The following GPHN variants were observed in gnomAD, a reference collection of about 807,000 sequenced individuals.
GPHN encodes the protein gephyrin.
Under a neutral mutation model 95.5 loss-of-function variants are expected in GPHN, and 17 were observed. The observed-to-expected ratio is 0.18, with a 90% CI of 0.12 to 0.27. GPHN has a LOEUF of 0.27. Ranked by LOEUF, GPHN falls within the 10% of genes least tolerant of loss-of-function variation. The pLI, the probability that GPHN is intolerant of heterozygous loss-of-function variation, is 1.00. For missense variants in GPHN, 660 were observed against 978.1 expected (o/e 0.67, Z 4.34); for synonymous variants, 320 against 322.5 (o/e 0.99, Z 0.08).
intron 2 of GPHN, among the ~76,000 whole-genome samples, chr14:66,748,595 A>G (rs111264784): frequency 5.1e-4 from 78 of 152,062 alleles, no homozygotes; most frequent in African/African-American, 1.6e-3. Flanking sequence ...GTGTGGACAA[A>G]TGTATTATGG....
At chr14:67,302,685 A>T in the GPHN span, 2 of 818,320 alleles carry the variant, frequency 2.4e-6, no homozygotes, top group Middle Eastern at 4.1e-4. Context: ...TTCTAGCCTG[A>T]TTTTTCCATG....
Position 66,824,535 on chromosome 14 carries a change from C to T in GPHN, c.263C>T (p.Thr88Ile). ...ELNLILTTGGTGFAPRDVTPE... is the reference protein window; with the variant it reads ...ELNLILTTGGIGFAPRDVTPE... ...AATTTGATATTAACAACTGGAGGAA[C>T]AGGATTTGCACCACGAGATGTCACT... The change falls in exon 4 of 23, where the codon ACA (threonine) becomes ATA (isoleucine). Residue 88 changes from threonine (T) to isoleucine (I), a missense_variant. By Grantham distance (89) the Thr-to-Ile change is moderately conservative. Coordinates refer to ENST00000478722, the MANE Select transcript of GPHN (RefSeq NM_020806.5). The T allele has an allele frequency of 1.3e-6, 2 of 1,581,034 alleles. No homozygotes were observed. The highest frequency in any genetic ancestry group is 1.7e-6 in the Non-Finnish European group (2 of 1,150,048).
At chr14:67,432,053 A>G in the GPHN span, among the ~76,000 whole-genome samples, 2 of 152,258 alleles carry the variant, frequency 1.3e-5, no homozygotes, top group Admixed American at 6.5e-5. Flanking sequence ...AAAATGGAAT[A>G]TAGTGAGAAG....
the GPHN span, among the ~76,000 whole-genome samples, chr14:67,257,164 C>T: frequency 2.6e-5 from 4 of 152,244 alleles, no homozygotes; most frequent in East Asian, 1.9e-4. Flanking sequence ...TGCATTCTTT[C>T]GAGTCCTTGA....
At chr14:66,943,766 C>A (rs1233957914) in intron 8 of GPHN, among the ~76,000 whole-genome samples, 1 of 152,040 alleles carries the variant, frequency 6.6e-6, no homozygotes, top group Admixed American at 6.5e-5. Flanking sequence ...ACTAAACAGA[C>A]AGGCAAAAGA....
Position 66,576,046 on chromosome 14 carries a change from G to A in GPHN, c.64+67455G>A, listed in dbSNP as rs565724357. On this transcript the variant is annotated intron_variant, in intron 1 of 22. Coordinates refer to ENST00000478722, the MANE Select transcript of GPHN (RefSeq NM_020806.5). ...GTGGGCCCAGCACTGGGATCTACTA[G>A]GCAGGCCTAGATGTTGGGTCTGCTG... is the stretch of plus-strand genomic sequence containing the variant. 4.6e-5 allele frequency among the ~76,000 whole-genome samples: 7 copies of A among 152,270 alleles called. No homozygotes were observed. In the South Asian group the frequency reaches 1.5e-3, roughly 32 times the overall value.
chr14:67,692,352 T>C, the GPHN span: 7 of 1,425,590 alleles, frequency 4.9e-6, no homozygotes, highest in South Asian at 2.5e-5. Flanking sequence ...ACCACTTCTA[T>C]GAGGAAGAGG....
intron 2 of GPHN, among the ~76,000 whole-genome samples, chr14:66,720,452 G>A (rs537299427): frequency 6.6e-6 from 1 of 152,268 alleles, no homozygotes; most frequent in South Asian, 2.1e-4. Context: ...TACTTGGGAG[G>A]CTAAGGCATG....
the GPHN span, among the ~76,000 whole-genome samples, chr14:67,728,701 T>TG: frequency 3.4e-5 from 2 of 58,810 alleles, no homozygotes; most frequent in Non-Finnish European, 4.4e-5. Flanking sequence ...AGGGATATCT[T>TG]GTGGGGGGGG....
intron 8 of GPHN, among the ~76,000 whole-genome samples, chr14:66,927,770 G>A (rs936788406): frequency 7.2e-5 from 11 of 152,192 alleles, no homozygotes; most frequent in Non-Finnish European, 1.3e-4. Flanking sequence ...TTCGTCAAAT[G>A]CTTTTTCAGC....
chr14:66,583,808 G>A (rs532515983), intron 1 of GPHN, among the ~76,000 whole-genome samples: 3 of 152,252 alleles, frequency 2.0e-5, no homozygotes, highest in African/African-American at 7.2e-5. Context: ...ATAGTTTGAA[G>A]TCAGGTAGCG....
intron 2 of GPHN, among the ~76,000 whole-genome samples, chr14:66,747,619 AAAAAC>A (rs1158095236): frequency 6.6e-6 from 1 of 151,904 alleles, no homozygotes; most frequent in Non-Finnish European, 1.5e-5. Flanking sequence ...TGTAAAAAAA[AAAAAC>A]AAAACTGCCC....
At chr14:67,034,504 G>T (rs1270317448) in intron 10 of GPHN, among the ~76,000 whole-genome samples, 1 of 151,968 alleles carries the variant, frequency 6.6e-6, no homozygotes, top group Admixed American at 6.6e-5. Context: ...TGAATTAATG[G>T]ATTAAAGAAA....
chr14:67,034,916 G>T (rs763289032), intron 10 of GPHN, among the ~76,000 whole-genome samples: 48 of 152,004 alleles, frequency 3.2e-4, no homozygotes, highest in Non-Finnish European at 6.5e-4. Flanking sequence ...GAACACTGTT[G>T]ACCAATTAGA....
At chr14:66,845,637 C>T (rs1332637313) in intron 4 of GPHN, among the ~76,000 whole-genome samples, 1 of 152,078 alleles carries the variant, frequency 6.6e-6, no homozygotes, top group East Asian at 1.9e-4. Flanking sequence ...GGAACCAGGT[C>T]ATGTTTAGAG....
In GPHN at chr14:66,562,576, G is replaced by A. The variant is rs543312636; in HGVS notation, c.64+53985G>A. Among the ~76,000 whole-genome samples the A allele has an allele frequency of 4.6e-5, 7 of 152,234 alleles. No homozygotes were observed. The South Asian group carries it at 1.5e-3, about 32-fold the overall frequency. The stretch of plus-strand genomic sequence containing the variant: ...CAATGATTAGTAACTCAAAGCGTTT[G>A]TTGGAATTTGGGCTTACGTATCCTT... On this transcript the variant is annotated intron_variant, in intron 1 of 22. Transcript: ENST00000478722.
At chr14:67,598,713 C>CTTTTT in the GPHN span, among the ~76,000 whole-genome samples, 130 of 144,412 alleles carry the variant, frequency 9.0e-4, 4 homozygotes, top group South Asian at 1.8e-3. Flanking sequence ...TATGAACAAA[C>CTTTTT]TTTTTTTTTT....
rs2064008696 is a variant in GPHN at position 66,883,098 on chromosome 14, TG to T, written c.389+3066del. ...TGAACTTTATGATTCTGTAAATTTA[TG>T]TCTTTAACCAAATTTGGGAAATTTC... On this transcript the variant is annotated intron_variant, in intron 5 of 22. Transcript: ENST00000478722. Among the ~76,000 whole-genome samples, 4 of 152,002 alleles carry T rather than the reference TG, an allele frequency of 2.6e-5. 1 individual carries two copies. The South Asian group carries it at 8.3e-4, about 31-fold the overall frequency.
At chr14:67,168,787 C>A in intron 20 of GPHN, 146 bp from the exon 21 acceptor site, 1 of 689,864 alleles carries the variant, frequency 1.4e-6, no homozygotes, top group South Asian at 1.6e-5. Context: ...TACCTCTGTT[C>A]TGGTTGGATT....
Sources: gnomAD v4.1 joint callset for allele counts (sites outside exome capture counted in the v4.1 genomes callset) on GRCh38, gnomAD v4.1.1 for gene constraint, MANE v1.5 for transcripts, NCBI Gene and HGNC (gene_info 2026-07-23, HGNC 2026-07-21) for gene names.